The following EYS variants were observed in gnomAD, a reference collection of about 807,000 sequenced individuals.
EYS encodes protein eyes shut homolog.
Under a neutral mutation model 282.1 loss-of-function variants are expected in EYS, and 250 were observed. The ratio of observed to expected loss-of-function variants is 0.89; its 90% CI spans 0.80 to 0.98. The LOEUF (loss-of-function observed/expected upper bound fraction) is 0.98. Ranked by LOEUF, EYS falls within the 50% of genes least tolerant of loss-of-function variation. EYS has a pLI of 0.00. For synonymous variants in EYS, 1,355 were observed against 1,282.9 expected, an observed-to-expected ratio of 1.06 and a Z score of -1.20; for missense variants, 4,016 against 3,709.0, an observed-to-expected ratio of 1.08 and a Z score of -2.15.
intron 35 of EYS, among the ~76,000 whole-genome samples, chr6:63,928,523 ACTGTGTGTGTGT>A (rs1358938730): frequency 2.6e-5 from 1 of 38,096 alleles, no homozygotes; most frequent in African/African-American, 1.0e-4. Flanking sequence ...TCACCTTTTG[ACTGTGTGTGTGT>A]GTGTGTGTGT....
At chr6:65,308,197 G>C (rs1454450641) in intron 11 of EYS, among the ~76,000 whole-genome samples, 13 of 62,894 alleles carry the variant, frequency 2.1e-4, no homozygotes, top group Non-Finnish European at 3.1e-4. Flanking sequence ...GGCTGGTCTT[G>C]AACTCCTGAC....
At chr6:63,884,754 A>C (rs1773222350) in intron 35 of EYS, among the ~76,000 whole-genome samples, 1 of 152,140 alleles carries the variant, frequency 6.6e-6, no homozygotes, top group South Asian at 2.1e-4. Flanking sequence ...GAAGTTATCA[A>C]ATACTTTATA....
At chr6:65,544,084 C>T (rs567879418) in intron 2 of EYS, among the ~76,000 whole-genome samples, 43 of 151,678 alleles carry the variant, frequency 2.8e-4, no homozygotes, top group African/African-American at 9.9e-4. Context: ...TCTTTACAGA[C>T]CCTATATGGA....
intron 35 of EYS, among the ~76,000 whole-genome samples, chr6:63,928,168 A>C (rs116623772): frequency 6.6e-6 from 1 of 152,238 alleles, no homozygotes; most frequent in South Asian, 2.1e-4. Context: ...AGTGCTAGAC[A>C]ACACTGGCTT....
intron 26 of EYS, among the ~76,000 whole-genome samples, chr6:64,497,605 G>C (rs1248954143): frequency 1.3e-5 from 2 of 152,046 alleles, no homozygotes; most frequent in Non-Finnish European, 2.9e-5. Flanking sequence ...GAAAAGTGTA[G>C]GTAGAGGGGT....
At chr6:64,418,174 G>T (rs1774119698) in intron 28 of EYS, among the ~76,000 whole-genome samples, 1 of 151,820 alleles carries the variant, frequency 6.6e-6, no homozygotes, top group African/African-American at 2.4e-5. Context: ...AAACAGAAGA[G>T]GCTATCCTTT....
intron 18 of EYS, among the ~76,000 whole-genome samples, chr6:64,897,685 T>C (rs1767518960): frequency 6.6e-6 from 1 of 152,090 alleles, no homozygotes; most frequent in African/African-American, 2.4e-5. Flanking sequence ...TCTAACCCAA[T>C]GCAAGGAAGC....
intron 31 of EYS, among the ~76,000 whole-genome samples, chr6:64,222,867 G>A (rs543561008): frequency 6.6e-6 from 1 of 151,694 alleles, no homozygotes; most frequent in South Asian, 2.1e-4. Flanking sequence ...GAAATTAGAG[G>A]CATTGATTTT....
Position 65,432,746 on chromosome 6 carries a change from A to G in EYS, c.863-27379T>C, listed in dbSNP as rs539091520. ...GACATGCTCTGACCCACATTTGAGC[A>G]GAATTGTTCTCCCTGCTGTTGGAGG... is the stretch of plus-strand genomic sequence containing the variant. On this transcript the variant is annotated intron_variant, in intron 5 of 42. Coordinates refer to ENST00000503581, the MANE Select transcript of EYS (RefSeq NM_001142800.2). Among the ~76,000 whole-genome samples the G allele has an allele frequency of 1.0e-3, 157 of 152,318 alleles. 1 individual carries two copies. The highest frequency in any genetic ancestry group is 3.6e-3 in the African/African-American group (149 of 41,582).
chr6:65,040,893 A>C (rs935784829), intron 13 of EYS, among the ~76,000 whole-genome samples: 3 of 151,716 alleles, frequency 2.0e-5, no homozygotes, highest in African/African-American at 7.2e-5. Context: ...CTCTGGCCAC[A>C]ATAACTAAGA....
rs562428452 is a variant in EYS at position 64,267,771 on chromosome 6, G to T, written c.6192-36947C>A. 5.9e-5 allele frequency among the ~76,000 whole-genome samples: 9 copies of T among 152,104 alleles called. No individual in the cohort carries two copies. In the South Asian group the frequency reaches 1.9e-3, roughly 32 times the overall value. Reference sequence around the variant, plus strand: ...CCAATGAAAAAATAACCAAAGGTCAGAACACAGAAAAGGAATATGGATATG... The same window carrying T: ...CCAATGAAAAAATAACCAAAGGTCATAACACAGAAAAGGAATATGGATATG... On this transcript the variant is annotated intron_variant, in intron 30 of 42. Coordinates refer to ENST00000503581, the MANE Select transcript of EYS (RefSeq NM_001142800.2).
At chr6:63,908,006 ACAAACG>A (rs1392209025) in intron 35 of EYS, among the ~76,000 whole-genome samples, 4 of 47,714 alleles carry the variant, frequency 8.4e-5, no homozygotes, top group African/African-American at 3.8e-4. Context: ...ACACACACAC[ACAAACG>A]TATATATATA....
intron 42 of EYS, 99 bp from the exon 43 acceptor site, chr6:63,721,896 G>A: frequency 9.0e-7 from 1 of 1,110,402 alleles, no homozygotes; most frequent in Non-Finnish European, 1.3e-6. Context: ...TTAGTTATGG[G>A]GAAAAAAGTA....
chr6:64,008,927 C>A (rs2149809883), intron 33 of EYS, among the ~76,000 whole-genome samples: 1 of 152,266 alleles, frequency 6.6e-6, no homozygotes, highest in Admixed American at 6.5e-5. Flanking sequence ...CTTGGAGAAT[C>A]TGACGACTAT....
intron 22 of EYS, among the ~76,000 whole-genome samples, chr6:64,761,722 T>A (rs1347781208): frequency 6.6e-6 from 1 of 152,202 alleles, no homozygotes; most frequent in Non-Finnish European, 1.5e-5. Flanking sequence ...CCCAAAGTGC[T>A]GGGATTACAG....
chr6:64,878,223 C>T (rs1210986026), intron 19 of EYS, among the ~76,000 whole-genome samples: 6 of 151,418 alleles, frequency 4.0e-5, no homozygotes, highest in Admixed American at 6.6e-5. Flanking sequence ...GAGACTCCAT[C>T]GGAAAAAAGA....
intron 18 of EYS, among the ~76,000 whole-genome samples, chr6:64,887,196 C>T (rs1179218435): frequency 2.0e-5 from 3 of 147,756 alleles, no homozygotes; most frequent in African/African-American, 5.0e-5. Context: ...AACCAAACAC[C>T]GCATGTTCTC....
At chr6:65,251,097 A>C (rs1767311672) in intron 12 of EYS, among the ~76,000 whole-genome samples, 1 of 151,402 alleles carries the variant, frequency 6.6e-6, no homozygotes, top group Non-Finnish European at 1.5e-5. Context: ...ACAAGCAAAA[A>C]TTTGTATGAA....
intron 35 of EYS, among the ~76,000 whole-genome samples, chr6:63,947,149 C>T (rs554744987): frequency 2.6e-4 from 40 of 151,984 alleles, no homozygotes; most frequent in Non-Finnish European, 4.6e-4. Flanking sequence ...TGAGTTTGAA[C>T]AAAATGTTAT....
Sources: allele counts gnomAD v4.1 joint callset (sites outside exome capture counted in the v4.1 genomes callset), GRCh38; gene constraint gnomAD v4.1.1; transcripts MANE v1.5; gene names NCBI Gene and HGNC (gene_info 2026-07-23, HGNC 2026-07-21).